Variants in GLRA3 observed in about 807,000 individuals in gnomAD.
GLRA3 encodes glycine receptor subunit alpha-3.
In GLRA3, 44 loss-of-function variants were observed where a neutral mutation model predicts 60.4. The observed-to-expected ratio is 0.73, with a 90% CI of 0.57 to 0.94. The LOEUF is 0.94. Among genes scored for constraint, GLRA3 ranks in the 40% least tolerant of loss-of-function variants. The pLI is 0.00. For synonymous variants in GLRA3, 223 were observed against 192.9 expected, an observed-to-expected ratio of 1.16 and a Z score of -1.29; for missense variants, 508 against 564.6, an observed-to-expected ratio of 0.90 and a Z score of 1.02.
At chr4:174,719,050 C>T (rs1388832455) in intron 4 of GLRA3, among the ~76,000 whole-genome samples, 3 of 150,542 alleles carry the variant, frequency 2.0e-5, no homozygotes, top group South Asian at 2.1e-4. Context: ...GCAGGCTCCG[C>T]CCCCTGGGGT....
At chr4:174,712,697 A>G (rs1735757213) in intron 5 of GLRA3, 1 of 151,978 alleles carries the variant, frequency 6.6e-6, no homozygotes, top group Non-Finnish European at 1.5e-5. Flanking sequence ...GGACCCTGGG[A>G]TTCTGACAGC....
intron 2 of GLRA3, among the ~76,000 whole-genome samples, chr4:174,779,956 C>G (rs1333987247): frequency 2.5e-4 from 37 of 148,432 alleles, no homozygotes; most frequent in African/African-American, 9.0e-4. Flanking sequence ...TCAGGAAATA[C>G]AGAGAATGCC....
chr4:174,659,774 C>T (rs1386645616), intron 7 of GLRA3, among the ~76,000 whole-genome samples: 1 of 151,974 alleles, frequency 6.6e-6, no homozygotes, highest in South Asian at 2.1e-4. Context: ...GAGTTCGAGA[C>T]CAGCCTAGCC....
At chr4:174,745,291 C>A (rs1241888920) in intron 3 of GLRA3, among the ~76,000 whole-genome samples, 1 of 152,088 alleles carries the variant, frequency 6.6e-6, no homozygotes. Context: ...ATACAGGAGG[C>A]CCAGTGTCCC....
chr4:174,691,493 G>T (rs913106526), intron 5 of GLRA3, among the ~76,000 whole-genome samples: 5 of 152,142 alleles, frequency 3.3e-5, no homozygotes, highest in African/African-American at 9.7e-5. Context: ...CTCCCTGCCT[G>T]ATTCTCCTGC....
chr4:174,699,151 C>T (rs1182242917), intron 5 of GLRA3, among the ~76,000 whole-genome samples: 1 of 152,016 alleles, frequency 6.6e-6, no homozygotes, highest in East Asian at 1.9e-4. Context: ...GCGTATGTCA[C>T]CACGCCTGGC....
chr4:174,667,581 A>G lies in GLRA3; in HGVS notation c.928-8384T>C, dbSNP rs562945920. Among the ~76,000 whole-genome samples the G allele has an allele frequency of 3.9e-5, 6 of 152,256 alleles. No individual in the cohort carries two copies. The South Asian group carries it at 6.2e-4, about 16-fold the overall frequency. On this transcript the variant is annotated intron_variant, in intron 7 of 9. Coordinates refer to ENST00000274093, the MANE Select transcript of GLRA3 (RefSeq NM_006529.4). ...GTAATATGAATTGTAAGGAGGTACA[A>G]AAAAGTAGAGTCCAGGTAGTGCTTT...
At chr4:174,792,097 G>A (rs1739368785) in intron 1 of GLRA3, among the ~76,000 whole-genome samples, 1 of 152,282 alleles carries the variant, frequency 6.6e-6, no homozygotes, top group African/African-American at 2.4e-5. Flanking sequence ...TTTCACTTGT[G>A]TGAGGCCTAA....
At chr4:174,669,978 G>C (rs62331985) in intron 7 of GLRA3, among the ~76,000 whole-genome samples, 1 of 152,188 alleles carries the variant, frequency 6.6e-6, no homozygotes, top group Non-Finnish European at 1.5e-5. Flanking sequence ...ACCAGACAAG[G>C]AAAGTACAAC....
At chr4:174,821,907 A>G (rs1740756010) in intron 1 of GLRA3, among the ~76,000 whole-genome samples, 1 of 152,212 alleles carries the variant, frequency 6.6e-6, no homozygotes, top group Non-Finnish European at 1.5e-5. Flanking sequence ...ACACAACTAA[A>G]TAGAATTCAA....
rs115722425 is a variant in GLRA3 at position 174,762,508 on chromosome 4, A to C, written c.267+4455T>G. Among the ~76,000 whole-genome samples, 956 of 152,116 alleles carry C rather than the reference A, an allele frequency of 6.3e-3. 11 individuals are homozygous for C. Among genetic ancestry groups the C allele is most frequent in the Non-Finnish European group, 1.0e-2 (678 of 67,978 alleles). Reference sequence around the variant, plus strand: ...TTTGGTTCTTATAACTAGGTATTTTAAGTACTGGAAGGCATAGGGTTAGAG... The same window carrying C: ...TTTGGTTCTTATAACTAGGTATTTTCAGTACTGGAAGGCATAGGGTTAGAG... On this transcript the variant is annotated intron_variant, in intron 3 of 9. Transcript: ENST00000274093.
chr4:174,677,340 G>T, intron 6 of GLRA3, 48 bp from the exon 7 acceptor site: 2 of 1,035,720 alleles, frequency 1.9e-6, no homozygotes, highest in Non-Finnish European at 3.0e-6. Context: ...ATAGGTCTTT[G>T]TTACGGCATC....
chr4:174,698,080 C>T (rs1458199124), intron 5 of GLRA3, among the ~76,000 whole-genome samples: 4 of 152,096 alleles, frequency 2.6e-5, no homozygotes, highest in African/African-American at 4.8e-5. Context: ...AAATCATAAC[C>T]GACACTGTGA....
At chr4:174,698,284 G>A (rs554432917) in intron 5 of GLRA3, among the ~76,000 whole-genome samples, 2 of 152,014 alleles carry the variant, frequency 1.3e-5, no homozygotes, top group Non-Finnish European at 2.9e-5. Context: ...ATCAAACTCC[G>A]GGACAAAAGT....
rs953141516 is a variant in GLRA3, at chr4:174,767,943, T to C, written c.200-913A>G. Among the ~76,000 whole-genome samples the C allele has an allele frequency of 2.0e-5, 3 of 152,144 alleles. No individual in the cohort carries two copies. The East Asian group carries it at 5.8e-4, about 29-fold the overall frequency. On this transcript the variant is annotated intron_variant, in intron 2 of 9. Coordinates refer to ENST00000274093, the MANE Select transcript of GLRA3 (RefSeq NM_006529.4). The stretch of plus-strand genomic sequence containing the variant: ...TAATTTTTGTTCAGGCTCTTACTTG[T>C]CCCAACTAGTGTCACAGCCTTAGGC...
At chr4:174,648,199 G>T (rs943960500) in intron 9 of GLRA3, among the ~76,000 whole-genome samples, 2 of 152,080 alleles carry the variant, frequency 1.3e-5, no homozygotes, top group South Asian at 2.1e-4. Context: ...GGCAGCTTAC[G>T]CCTCTAATCC....
At chr4:174,685,951 T>C (rs1734539771) in intron 5 of GLRA3, among the ~76,000 whole-genome samples, 1 of 152,226 alleles carries the variant, frequency 6.6e-6, no homozygotes, top group Non-Finnish European at 1.5e-5. Flanking sequence ...TTCTGTGAAA[T>C]GAAACTAGCT....
At chr4:174,794,034 T>C (rs565766856) in intron 1 of GLRA3, among the ~76,000 whole-genome samples, 1 of 152,294 alleles carries the variant, frequency 6.6e-6, no homozygotes, top group East Asian at 1.9e-4. Flanking sequence ...TCCCTTTCAT[T>C]CATGCAAATC....
At chr4:174,756,030 T>C (rs76088984) in intron 3 of GLRA3, among the ~76,000 whole-genome samples, 2 of 152,114 alleles carry the variant, frequency 1.3e-5, no homozygotes, top group Non-Finnish European at 2.9e-5. Flanking sequence ...GAAAAATTCA[T>C]TGAAAAACAA....
Sources: gnomAD v4.1 joint callset for allele counts (sites outside exome capture counted in the v4.1 genomes callset) on GRCh38, gnomAD v4.1.1 for gene constraint, MANE v1.5 for transcripts, NCBI Gene and HGNC (gene_info 2026-07-23, HGNC 2026-07-21) for gene names.